TRAPPC9: variants seen among roughly 807,000 people sequenced by gnomAD.
TRAPPC9 encodes trafficking protein particle complex subunit 9.
TRAPPC9 carries 83 observed loss-of-function variants against 124.0 expected under a neutral mutation model. The observed-to-expected ratio is 0.67, with a 90% confidence interval of 0.56 to 0.80. The LOEUF (loss-of-function observed/expected upper bound fraction) is 0.80. Among genes scored for constraint, TRAPPC9 ranks in the 30% least tolerant of loss-of-function variants. The pLI, the probability that TRAPPC9 is intolerant of heterozygous loss-of-function variation, is 0.00. For synonymous variants in TRAPPC9, 638 were observed against 617.5 expected (o/e 1.03, Z -0.49); for missense variants, 1,302 against 1,508.3 (o/e 0.86, Z 2.27).
rs139788984 is a variant in TRAPPC9, at chr8:140,013,307, C to G, written c.2699+10630G>C. On this transcript the variant is annotated intron_variant, in intron 18 of 22. Coordinates refer to ENST00000438773, the MANE Select transcript of TRAPPC9 (RefSeq NM_001160372.4). ...TGGGGCTCCAAACTTCTCCCTTCTCCAGCACTGCACTTCCTGTCAAGCCAC... is the reference window on the plus strand; with the variant it reads ...TGGGGCTCCAAACTTCTCCCTTCTCGAGCACTGCACTTCCTGTCAAGCCAC... 1.0e-3 allele frequency among the ~76,000 whole-genome samples: 158 copies of G among 152,248 alleles called. 1 individual carries two copies. Among genetic ancestry groups the G allele is most frequent in the African/African-American group, 3.2e-3 (134 of 41,532 alleles).
chr8:140,409,955 G>A (rs561961891), intron 5 of TRAPPC9, among the ~76,000 whole-genome samples: 1 of 151,918 alleles, frequency 6.6e-6, no homozygotes, highest in Admixed American at 6.6e-5. Context: ...TGATCAACGT[G>A]GCAAAATCCC....
chr8:139,960,379 G>A lies in TRAPPC9; in HGVS notation c.2810+28347C>T, dbSNP rs575027629. 5.3e-5 allele frequency among the ~76,000 whole-genome samples: 8 copies of A among 152,248 alleles called. 2 individuals carry two copies. The South Asian group carries it at 1.7e-3, about 32-fold the overall frequency. On this transcript the variant is annotated intron_variant, in intron 19 of 22. Coordinates refer to ENST00000438773, the MANE Select transcript of TRAPPC9 (RefSeq NM_001160372.4). ...TGAGTCTGCCCAGCATCGCCCTCCG[G>A]AAGATTCAGCCTGGCCCTGAGCCCC... is the stretch of plus-strand genomic sequence containing the variant.
chr8:139,864,663 C>T lies in TRAPPC9; in HGVS notation c.3055+21216G>A, dbSNP rs1364491872. 4.6e-5 allele frequency among the ~76,000 whole-genome samples: 7 copies of T among 152,178 alleles called. No individual in the cohort carries two copies. The South Asian group carries it at 1.0e-3, about 23-fold the overall frequency. On this transcript the variant is annotated intron_variant, in intron 21 of 22. Transcript: ENST00000438773. The stretch of plus-strand genomic sequence containing the variant: ...CAGGCCTGCCGGGAGCAATGGACAG[C>T]GTCTGTAGAGCAGACAGCAGCATGC...
intron 14 of TRAPPC9, among the ~76,000 whole-genome samples, chr8:140,279,552 C>T (rs1292559620): frequency 6.6e-6 from 1 of 152,214 alleles, no homozygotes; most frequent in African/African-American, 2.4e-5. Flanking sequence ...GGACCCTCCT[C>T]CTCCAGCCCC....
chr8:140,243,628 C>T (rs1304734040), intron 16 of TRAPPC9, among the ~76,000 whole-genome samples: 1 of 152,206 alleles, frequency 6.6e-6, no homozygotes, highest in Non-Finnish European at 1.5e-5. Flanking sequence ...GATACAAAAG[C>T]AGCAGATGAC....
intron 17 of TRAPPC9, among the ~76,000 whole-genome samples, chr8:140,112,823 T>C (rs2060807683): frequency 6.7e-6 from 1 of 149,462 alleles, no homozygotes. Context: ...CCTAGACATA[T>C]CACTATTTTT....
chr8:139,769,015 C>T lies in TRAPPC9; in HGVS notation c.3056-36813G>A, dbSNP rs576263547. On this transcript the variant is annotated intron_variant, in intron 21 of 22. Coordinates refer to ENST00000438773, the MANE Select transcript of TRAPPC9 (RefSeq NM_001160372.4). ...AGCGAGGCCTCAGAAGAAACCAGTG[C>T]TGCCGACATCTTGACCTTGAATTTC... Among the ~76,000 whole-genome samples the T allele has an allele frequency of 2.6e-5, 4 of 152,350 alleles. No individual in the cohort carries two copies. The East Asian group carries it at 7.7e-4, about 29-fold the overall frequency.
At chr8:139,848,512 G>GAGAT (rs1333750802) in intron 21 of TRAPPC9, among the ~76,000 whole-genome samples, 1 of 151,904 alleles carries the variant, frequency 6.6e-6, no homozygotes, top group Non-Finnish European at 1.5e-5. Flanking sequence ...ACATATATGT[G>GAGAT]AGATATATAT....
At chr8:139,862,544 G>A (rs1587014159) in intron 21 of TRAPPC9, among the ~76,000 whole-genome samples, 1 of 152,214 alleles carries the variant, frequency 6.6e-6, no homozygotes, top group Non-Finnish European at 1.5e-5. Context: ...AGGCGGGGAC[G>A]CCTGTAAGGA....
Position 139,986,156 on chromosome 8 carries a change from A to T in TRAPPC9, c.2810+2570T>A, listed in dbSNP as rs181970145. Among the ~76,000 whole-genome samples the T allele has an allele frequency of 2.5e-3, 377 of 152,244 alleles. 1 individual carries two copies. The highest frequency in any genetic ancestry group is 8.6e-3 in the African/African-American group (359 of 41,554). ...TACTCAGGAGGCTGAGGCAGGAGAA[A>T]CGCTTGAACCCAGGAGGTGGAGGTT... is the stretch of plus-strand genomic sequence containing the variant. On this transcript the variant is annotated intron_variant, in intron 19 of 22. Transcript: ENST00000438773.
intron 21 of TRAPPC9, among the ~76,000 whole-genome samples, chr8:139,793,612 C>T (rs1398588785): frequency 6.6e-6 from 1 of 152,190 alleles, no homozygotes; most frequent in Non-Finnish European, 1.5e-5. Flanking sequence ...TCTCTGCACC[C>T]TAGTGCAGAG....
chr8:140,136,279 C>T (rs2061302028), intron 17 of TRAPPC9, among the ~76,000 whole-genome samples: 1 of 152,132 alleles, frequency 6.6e-6, no homozygotes, highest in Non-Finnish European at 1.5e-5. Flanking sequence ...AACCAGGTGA[C>T]CATCAGGGGA....
At chr8:140,227,864 A>G (rs1271909188) in intron 16 of TRAPPC9, among the ~76,000 whole-genome samples, 1 of 152,238 alleles carries the variant, frequency 6.6e-6, no homozygotes, top group African/African-American at 2.4e-5. Flanking sequence ...ACCTTGCTCA[A>G]TATCACACAG....
At chr8:140,437,759 A>G (rs1225176798) in intron 3 of TRAPPC9, among the ~76,000 whole-genome samples, 1 of 152,194 alleles carries the variant, frequency 6.6e-6, no homozygotes, top group African/African-American at 2.4e-5. Flanking sequence ...TAAACTGTCA[A>G]CCTCAACGAA....
At chr8:139,894,534 G>A (rs886097669) in intron 20 of TRAPPC9, among the ~76,000 whole-genome samples, 9 of 152,152 alleles carry the variant, frequency 5.9e-5, no homozygotes, top group African/African-American at 1.9e-4. Context: ...ACTGGACCCC[G>A]GGAACTGGAG....
intron 20 of TRAPPC9, 97 bp downstream of exon 20, chr8:139,910,050 G>A: frequency 1.4e-6 from 2 of 1,439,970 alleles, no homozygotes; most frequent in Non-Finnish European, 1.9e-6. Flanking sequence ...TACCTGTGGT[G>A]AAAATTCAAT....
chr8:140,404,695 CAT>C (rs1337023272), intron 6 of TRAPPC9, among the ~76,000 whole-genome samples: 3 of 151,946 alleles, frequency 2.0e-5, no homozygotes, highest in Non-Finnish European at 4.4e-5. Context: ...TGTGTACGTG[CAT>C]GTGTGCGCAC....
intron 19 of TRAPPC9, among the ~76,000 whole-genome samples, chr8:139,935,493 T>C (rs1202616803): frequency 6.6e-6 from 1 of 152,164 alleles, no homozygotes; most frequent in Non-Finnish European, 1.5e-5. Context: ...GGCAAGTCCA[T>C]GACCAGTGTG....
chr8:139,945,755 G>A (rs914462589), intron 19 of TRAPPC9, among the ~76,000 whole-genome samples: 13 of 152,166 alleles, frequency 8.5e-5, no homozygotes, highest in African/African-American at 3.1e-4. Flanking sequence ...GATGTCAAAT[G>A]ACTGAGTGAT....
Sources: gnomAD v4.1 joint callset for allele counts (sites outside exome capture counted in the v4.1 genomes callset) on GRCh38, gnomAD v4.1.1 for gene constraint, MANE v1.5 for transcripts, NCBI Gene and HGNC (gene_info 2026-07-23, HGNC 2026-07-21) for gene names.